The following HECTD4 variants were observed in gnomAD, a reference collection of about 807,000 sequenced individuals.
The protein encoded by HECTD4 is HECT domain E3 ubiquitin protein ligase 4, also known as probable E3 ubiquitin-protein ligase HECTD4.
In HECTD4, 114 loss-of-function variants were observed where a neutral mutation model predicts 471.5. That is an observed-to-expected ratio of 0.24 (90% CI 0.21 to 0.28). The LOEUF (loss-of-function observed/expected upper bound fraction) is 0.28. Among genes scored for constraint, HECTD4 ranks in the 10% least tolerant of loss-of-function variants. HECTD4 has a pLI of 1.00. For missense variants in HECTD4, 3,866 were observed against 5,651.5 expected, an observed-to-expected ratio of 0.68 and a Z score of 10.13; for synonymous variants, 2,012 against 2,256.0, an observed-to-expected ratio of 0.89 and a Z score of 3.07.
intron 19 of HECTD4, 47 bp downstream of exon 19, chr12:112,259,065 G>A (rs771919584): frequency 6.5e-7 from 1 of 1,529,524 alleles, no homozygotes; most frequent in East Asian, 2.4e-5. Context: ...ATCCTGTGAA[G>A]CAGGTTGGCC....
chr12:112,333,587 C>T (rs1269663130), intron 1 of HECTD4, among the ~76,000 whole-genome samples: 1 of 152,016 alleles, frequency 6.6e-6, no homozygotes, highest in Non-Finnish European at 1.5e-5. Context: ...GTGGCTCATG[C>T]CTGTAATTCC....
chr12:112,204,808 T>C (rs1226291709), intron 52 of HECTD4, among the ~76,000 whole-genome samples, 185 bp from the exon 53 acceptor site: 2 of 152,114 alleles, frequency 1.3e-5, no homozygotes, highest in Non-Finnish European at 2.9e-5. Flanking sequence ...TGTACTACTT[T>C]TAGGAATGTC....
intron 40 of HECTD4, 46 bp downstream of exon 40, chr12:112,230,641 T>A (rs2033356726): frequency 6.4e-7 from 1 of 1,551,856 alleles, no homozygotes; most frequent in Non-Finnish European, 8.7e-7. Context: ...TAATTCTAAT[T>A]AGCTTACTTC....
intron 15 of HECTD4, 39 bp from the exon 16 acceptor site, chr12:112,265,334 TG>T: frequency 7.5e-7 from 1 of 1,340,264 alleles, no homozygotes; most frequent in Non-Finnish European, 1.0e-6. Context: ...AAAATATTGA[TG>T]GTTTATTCAT....
At position 112,163,639 on chromosome 12, in the gene HECTD4, C is replaced by A; in HGVS notation, c.12800G>T (p.Gly4267Val). 1 of 1,541,150 alleles carries A rather than the reference C, an allele frequency of 6.5e-7. No individual in the cohort carries two copies. The highest frequency in any genetic ancestry group is 8.7e-7 in the Non-Finnish European group (1 of 1,143,316). The change falls in exon 74 of 76, where the codon GGC (glycine) becomes GTC (valine). Residue 4267 changes from glycine to valine, a missense_variant. Gly to Val is a moderately radical substitution (Grantham distance 109). Transcript: ENST00000682272. This position sits in a 1 kb window ranked among gnomAD's most constrained non-coding sequence, Gnocchi z 8.2. ...CAGCAGCTGCAGGGGGATGATGGAG[C>A]CCAGGCCGGCCCGCACGGCCGTCAC... is the stretch of plus-strand genomic sequence containing the variant. Reference protein sequence around the residue: ...ECVTAVRAGLGSIIPLQLLTM... With the variant: ...ECVTAVRAGLVSIIPLQLLTM...
intron 11 of HECTD4, among the ~76,000 whole-genome samples, chr12:112,271,692 C>CA (rs1316013725): frequency 1.3e-5 from 2 of 152,182 alleles, no homozygotes; most frequent in African/African-American, 4.8e-5. Context: ...TTTCTTCTCC[C>CA]AGCAGCTCAG....
Position 112,313,123 on chromosome 12 carries a change from A to C in HECTD4, c.810T>G (p.Pro270=). ...CCCCAAGCAAACAGGAGGGAGATCC[A>C]GGCCCCCCTTCCAAAAGCAACAGCC... ...LYRLLLLEGG[P]GSPSCLLGGK... The change falls in exon 4 of 76, where the codon CCT becomes CCG. Residue 270 remains proline, a synonymous_variant. Coordinates refer to ENST00000682272, the MANE Select transcript of HECTD4 (RefSeq NM_001388303.1). 1 of 1,535,496 alleles carries C rather than the reference A, an allele frequency of 6.5e-7. No individual in the cohort carries two copies. Among genetic ancestry groups the C allele is most frequent in the Non-Finnish European group, 8.7e-7 (1 of 1,146,528 alleles).
In HECTD4 at chr12:112,273,808, C is replaced by T. The variant is rs1346250644; in HGVS notation, c.1802-13G>A. 6.2e-7 allele frequency: 1 copy of T among 1,612,836 alleles called. No homozygotes were observed. Among genetic ancestry groups the T allele is most frequent in the Admixed American group, 1.7e-5 (1 of 59,994 alleles). On this transcript the variant is annotated splice_polypyrimidine_tract_variant and intron_variant, in intron 10 of 75. Transcript: ENST00000682272. ...TCATAACACGCTCCTGCAAAAAGAG[C>T]ATACTGTATTCAGTCACCATGCCAC...
Position 112,246,931 on chromosome 12 carries a change from T to C in HECTD4, c.4483A>G (p.Ser1495Gly). Residue 1495 changes from serine to glycine, a missense_variant, in exon 29 of 76, where the codon AGC becomes GGC. Ser to Gly is a moderately conservative substitution (Grantham distance 56). Transcript: ENST00000682272. ...GTTTCAGCAGGGGTCCCAGAGATGC[T>C]TCTCGTGAGGCCCGACTGGGCTGCG... is the stretch of plus-strand genomic sequence containing the variant. ...TIAAQSGLTRSISGTPAETPA... is the reference protein window; with the variant it reads ...TIAAQSGLTRGISGTPAETPA... The C allele has an allele frequency of 2.5e-6, 4 of 1,612,240 alleles. No individual in the cohort carries two copies. The highest frequency in any genetic ancestry group is 3.4e-6 in the Non-Finnish European group (4 of 1,179,832).
rs1416451452 is a variant in HECTD4 at position 112,167,958 on chromosome 12, G to A, written c.12209-41C>T. Reference sequence around the variant, plus strand: ...GACACATGGGCACCTGGGGTGTCCCGGCGGGAGGCGACACCGTTCCCTCCC... The same window carrying A: ...GACACATGGGCACCTGGGGTGTCCCAGCGGGAGGCGACACCGTTCCCTCCC... On this transcript the variant is annotated intron_variant, in intron 70 of 75. Transcript: ENST00000682272. 4.1e-6 allele frequency: 6 copies of A among 1,479,048 alleles called. No individual in the cohort carries two copies. In the African/African-American group the frequency reaches 4.2e-5, roughly 10 times the overall value. The allele number at this position is 1,479,048 out of a possible 1,614,324, so 91.6% of individuals were successfully genotyped here. A position where few individuals can be genotyped will look rare whatever the true frequency, so the allele number is the denominator to read the frequency against.
At chr12:112,309,704 T>C (rs1302229774) in intron 4 of HECTD4, 35 bp from the exon 5 acceptor site, 7 of 983,846 alleles carry the variant, frequency 7.1e-6, no homozygotes, top group Middle Eastern at 2.1e-4. Context: ...ATTATATATA[T>C]GTTTTTTCTA....
Position 112,264,218 on chromosome 12 carries a change from AT to A in HECTD4, c.2620-7del. 1 of 1,581,738 alleles carries A rather than the reference AT, an allele frequency of 6.3e-7. No individual in the cohort carries two copies. The highest frequency in any genetic ancestry group is 8.6e-7 in the Non-Finnish European group (1 of 1,163,026). ...CGCAGGCAGGAGGATGCAGCCTTTA[AT>A]ACAAATAAGGGCATTTAAATGATCT... is the stretch of plus-strand genomic sequence containing the variant. On this transcript the variant is annotated splice_region_variant and splice_polypyrimidine_tract_variant and intron_variant, in intron 16 of 75. Coordinates refer to ENST00000682272, the MANE Select transcript of HECTD4 (RefSeq NM_001388303.1).
intron 54 of HECTD4, among the ~76,000 whole-genome samples, chr12:112,202,111 C>T (rs750278645): frequency 2.6e-5 from 4 of 152,044 alleles, no homozygotes; most frequent in Non-Finnish European, 5.9e-5. Context: ...TGGAATTTTC[C>T]ATTTGAAAGT....
At chr12:112,349,160 C>T (rs1471835268) in intron 1 of HECTD4, among the ~76,000 whole-genome samples, 2 of 151,938 alleles carry the variant, frequency 1.3e-5, no homozygotes, top group Non-Finnish European at 2.9e-5. Context: ...GAGGCCAAGG[C>T]GGGTGGATCA....
At chr12:112,198,695 C>T (rs1193674656) in intron 55 of HECTD4, among the ~76,000 whole-genome samples, 1 of 152,160 alleles carries the variant, frequency 6.6e-6, no homozygotes, top group East Asian at 1.9e-4. Flanking sequence ...GGGAAAAATT[C>T]AGATTCCACC....
chr12:112,336,358 C>G (rs539324248), intron 1 of HECTD4, among the ~76,000 whole-genome samples: 20 of 152,014 alleles, frequency 1.3e-4, no homozygotes, highest in Admixed American at 8.5e-4. Flanking sequence ...CCTGTCTCTA[C>G]TAAAAATACA....
chr12:112,184,115 G>GA lies in HECTD4; in HGVS notation c.10779+71dup. The GA allele has an allele frequency of 2.1e-6, 3 of 1,398,364 alleles. No individual in the cohort carries two copies. The highest frequency in any genetic ancestry group is 1.3e-5 in the South Asian group (1 of 74,210). 86.6% of individuals were successfully genotyped at this position (1,398,364 alleles called of 1,614,324 possible). A position where few individuals can be genotyped will look rare whatever the true frequency, so the allele number is the denominator to read the frequency against. On this transcript the variant is annotated intron_variant, in intron 61 of 75. Coordinates refer to ENST00000682272, the MANE Select transcript of HECTD4 (RefSeq NM_001388303.1). The surrounding 1 kb of genome is among the most constrained non-coding windows in gnomAD (Gnocchi z 9.1). The stretch of plus-strand genomic sequence containing the variant: ...CATTACCTACTAGGAAATAACTTTG[G>GA]AAGATTTAAAGAGGCTTGGGGGATT...
At chr12:112,264,476 C>T (rs2034223022) in intron 16 of HECTD4, among the ~76,000 whole-genome samples, 2 of 152,084 alleles carry the variant, frequency 1.3e-5, no homozygotes, top group South Asian at 4.2e-4. Context: ...AATTATTCTT[C>T]CCCCTCCCTC....
Position 112,258,821 on chromosome 12 carries a change from G to A in HECTD4, c.3028-225C>T. 3 of 557,196 alleles carry A rather than the reference G, an allele frequency of 5.4e-6. 1 individual carries two copies. In the South Asian group the frequency reaches 8.0e-5, roughly 15 times the overall value. 34.5% of individuals were successfully genotyped at this position (557,196 alleles called of 1,614,324 possible). A position where few individuals can be genotyped will look rare whatever the true frequency, so the allele number is the denominator to read the frequency against. On this transcript the variant is annotated intron_variant, in intron 19 of 75. Coordinates refer to ENST00000682272, the MANE Select transcript of HECTD4 (RefSeq NM_001388303.1). Reference sequence around the variant, plus strand: ...CTACTATTAGCTGGCAAGGACTCAGGAGACAAACTATAATGGTAGGTTTTT... The same window carrying A: ...CTACTATTAGCTGGCAAGGACTCAGAAGACAAACTATAATGGTAGGTTTTT...
Sources: gnomAD v4.1 joint callset for allele counts (sites outside exome capture counted in the v4.1 genomes callset) on GRCh38, gnomAD v4.1.1 for gene constraint, Gnocchi (gnomAD v3.1) non-coding constraint, MANE v1.5 for transcripts, NCBI Gene and HGNC (gene_info 2026-07-23, HGNC 2026-07-21) for gene names.